PYM1: variants seen among roughly 807,000 people sequenced by gnomAD.
The protein encoded by PYM1 is partner of Y14 and mago.
A neutral mutation model predicts 20.7 loss-of-function variants in PYM1; 7 were observed. That is an observed-to-expected ratio of 0.34 (90% confidence interval 0.19 to 0.64). The LOEUF is 0.64. Among genes scored for constraint, PYM1 ranks in the 30% least tolerant of loss-of-function variants. The pLI is 0.74. For synonymous variants in PYM1, 100 were observed against 99.2 expected, an observed-to-expected ratio of 1.01 and a Z score of -0.05; for missense variants, 194 against 250.0, an observed-to-expected ratio of 0.78 and a Z score of 1.51.
chr12:55,924,804 G>A (rs1883161343), intron 1 of PYM1, among the ~76,000 whole-genome samples: 2 of 152,168 alleles, frequency 1.3e-5, no homozygotes, highest in African/African-American at 2.4e-5. Context: ...AACCTCCCGA[G>A]TAGCTGAGAT....
intron 1 of PYM1, among the ~76,000 whole-genome samples, chr12:55,914,702 C>T (rs1882976972): frequency 6.6e-6 from 1 of 152,118 alleles, no homozygotes; most frequent in African/African-American, 2.4e-5. Flanking sequence ...CAGGTCTCAG[C>T]CTGCGGATGA....
At chr12:55,922,312 C>T (rs922695898) in intron 1 of PYM1, among the ~76,000 whole-genome samples, 3 of 151,890 alleles carry the variant, frequency 2.0e-5, no homozygotes, top group Non-Finnish European at 2.9e-5. Flanking sequence ...CAGATGATCA[C>T]GGTCAATACT....
intron 1 of PYM1, chr12:55,914,148 G>A (rs1028891960): frequency 1.7e-6 from 1 of 580,878 alleles, no homozygotes; most frequent in African/African-American, 1.9e-5. Flanking sequence ...ATTGCATAGA[G>A]ATTATAGCTG....
intron 1 of PYM1, among the ~76,000 whole-genome samples, chr12:55,925,733 CAT>C (rs1883176638): frequency 6.6e-6 from 1 of 152,092 alleles, no homozygotes; most frequent in Admixed American, 6.5e-5. Flanking sequence ...TTCTCTTCCA[CAT>C]AGTCACGGAA....
intron 1 of PYM1, among the ~76,000 whole-genome samples, chr12:55,923,466 T>G (rs1376837712): frequency 2.0e-5 from 3 of 150,104 alleles, no homozygotes; most frequent in Non-Finnish European, 4.4e-5. Context: ...CTCAGTAGGT[T>G]GAGATGTGAG....
intron 1 of PYM1, 122 bp from the exon 2 acceptor site, chr12:55,903,602 G>T: frequency 1.2e-6 from 1 of 864,814 alleles, no homozygotes; most frequent in East Asian, 2.7e-5. Context: ...GCAACCATTA[G>T]GCTCCTTTTC....
Position 55,902,114 on chromosome 12 carries a change from G to A in PYM1, c.373C>T (p.Pro125Ser). ...KVSLEETAQL[P>S]SAPQGSRAAP... ...GCCCGAGAGCCCTGTGGAGCACTGG[G>A]GAGTTGGGCTGTCTCTTCCAGGGAC... Residue 125 changes from proline (P) to serine (S), a missense_variant, in exon 3 of 3, where the codon CCC (proline) becomes TCC (serine). Pro to Ser is a moderately conservative substitution (Grantham distance 74, BLOSUM62 -1). Transcript: ENST00000408946. 1 of 1,614,104 alleles carries A rather than the reference G, an allele frequency of 6.2e-7. No individual in the cohort carries two copies. The highest frequency in any genetic ancestry group is 1.7e-5 in the Admixed American group (1 of 59,998).
At chr12:55,927,534 G>A in intron 1 of PYM1, 191 bp downstream of exon 1, 2 of 729,492 alleles carry the variant, frequency 2.7e-6, no homozygotes, top group African/African-American at 1.8e-5. Flanking sequence ...GCGGCTTGGT[G>A]ACGTGGAGCA....
chr12:55,907,760 G>A (rs1249666988), intron 1 of PYM1, among the ~76,000 whole-genome samples: 1 of 151,786 alleles, frequency 6.6e-6, no homozygotes, highest in African/African-American at 2.4e-5. Context: ...CCAACATGGT[G>A]AAACCCCATC....
chr12:55,922,671 T>A (rs986266364), intron 1 of PYM1, among the ~76,000 whole-genome samples: 1 of 152,012 alleles, frequency 6.6e-6, no homozygotes, highest in Non-Finnish European at 1.5e-5. Flanking sequence ...TGTACCCTGA[T>A]ACAATGTGAT....
At chr12:55,902,500 TAG>T (rs1402314443) in intron 2 of PYM1, 145 bp from the exon 3 acceptor site, 25 of 1,228,808 alleles carry the variant, frequency 2.0e-5, no homozygotes, top group Admixed American at 2.8e-5. Context: ...TTTTTTGAGA[TAG>T]AGTCTCGCTC....
chr12:55,916,931 T>G (rs1448313105), intron 1 of PYM1, among the ~76,000 whole-genome samples: 1 of 151,594 alleles, frequency 6.6e-6, no homozygotes, highest in African/African-American at 2.4e-5. Context: ...GGCAACATGG[T>G]GAAACCTCTT....
chr12:55,910,489 CTGGAG>C (rs1882903712), intron 1 of PYM1, among the ~76,000 whole-genome samples: 1 of 152,044 alleles, frequency 6.6e-6, no homozygotes, highest in African/African-American at 2.4e-5. Flanking sequence ...GTTGCCCAGG[CTGGAG>C]TGTAGTGGCA....
At chr12:55,909,930 T>A (rs1468513612) in intron 1 of PYM1, among the ~76,000 whole-genome samples, 2 of 152,146 alleles carry the variant, frequency 1.3e-5, no homozygotes, top group Non-Finnish European at 2.9e-5. Context: ...TCAGGCACAG[T>A]GGCTCATGGC....
At chr12:55,927,328 C>G (rs1283293744) in intron 1 of PYM1, 2 of 767,310 alleles carry the variant, frequency 2.6e-6, no homozygotes, top group Non-Finnish European at 4.5e-6. Context: ...CATTACTGAG[C>G]GCTTGCTGCC....
intron 1 of PYM1, among the ~76,000 whole-genome samples, chr12:55,915,428 C>G (rs578221350): frequency 6.6e-6 from 1 of 151,584 alleles, no homozygotes; most frequent in African/African-American, 2.4e-5. Flanking sequence ...CCTAGCTGGG[C>G]TTGGTGGCAC....
At position 55,902,123 on chromosome 12, in the gene PYM1, C is replaced by CTGTCTCTTCCAGGGA. The variant is rs1882702763; in HGVS notation, c.349_363dup (p.Ser117_Thr121dup). The CTGTCTCTTCCAGGGA allele has an allele frequency of 1.2e-6, 2 of 1,614,138 alleles. No individual in the cohort carries two copies. Among genetic ancestry groups the CTGTCTCTTCCAGGGA allele is most frequent in the Non-Finnish European group, 1.7e-6 (2 of 1,180,030 alleles). On this transcript the variant is annotated inframe_insertion, in exon 3 of 3. Transcript: ENST00000408946. ...CCCTGTGGAGCACTGGGGAGTTGGG[C>CTGTCTCTTCCAGGGA]TGTCTCTTCCAGGGACACCTTATCA...
chr12:55,918,158 C>T (rs1461430517), intron 1 of PYM1, among the ~76,000 whole-genome samples: 3 of 150,204 alleles, frequency 2.0e-5, no homozygotes, highest in East Asian at 4.0e-4. Context: ...AGTGCAGTGG[C>T]GTGATCTCGG....
chr12:55,906,656 G>T (rs114397953), intron 1 of PYM1, among the ~76,000 whole-genome samples: 2,526 of 152,044 alleles, frequency 0.017, 77 homozygotes, highest in African/African-American at 0.056. Context: ...TTTATTTATT[G>T]ATTGATTTTG....
Sources: gnomAD v4.1 joint callset for allele counts (sites outside exome capture counted in the v4.1 genomes callset) on GRCh38, gnomAD v4.1.1 for gene constraint, MANE v1.5 for transcripts, NCBI Gene and HGNC (gene_info 2026-07-23, HGNC 2026-07-21) for gene names.